The following CDHR3 variants were observed in gnomAD, a reference collection of about 807,000 sequenced individuals.
CDHR3 encodes cadherin related family member 3.
In CDHR3, 79 loss-of-function variants were observed where a neutral mutation model predicts 86.6. That is an observed-to-expected ratio of 0.91 (90% CI 0.76 to 1.10). The LOEUF (loss-of-function observed/expected upper bound fraction) is 1.10, where lower values mean the gene tolerates loss of function less well. CDHR3 is among the 50% of genes least tolerant of loss of function. CDHR3 has a pLI of 0.00. For synonymous variants in CDHR3, 421 were observed against 402.4 expected, an observed-to-expected ratio of 1.05 and a Z score of -0.55; for missense variants, 1,081 against 1,077.6, an observed-to-expected ratio of 1.00 and a Z score of -0.04.
rs1410449347 is a variant in CDHR3, at chr7:106,032,607, C to T, written c.2568C>T (p.Ser856=). 2 of 1,613,742 alleles carry T rather than the reference C, an allele frequency of 1.2e-6. No homozygotes were observed. The highest frequency in any genetic ancestry group is 1.1e-5 in the South Asian group (1 of 91,060). ...KAWAEDAGLG[S]RNEGGKLGNP... The stretch of plus-strand genomic sequence containing the variant: ...GGGCTGAGGATGCTGGTCTGGGTTC[C>T]AGAAATGAGGGTGGCAAGCTGGGCA... Residue 856 remains serine (S), a synonymous_variant, in exon 19 of 19, where the codon TCC becomes TCT. Coordinates refer to ENST00000317716, the MANE Select transcript of CDHR3 (RefSeq NM_152750.5).
At chr7:106,012,318 A>G (rs1337035478) in intron 8 of CDHR3, among the ~76,000 whole-genome samples, 1 of 152,152 alleles carries the variant, frequency 6.6e-6, no homozygotes, top group Admixed American at 6.5e-5. Context: ...GAACATTGCC[A>G]TTCTAGATAG....
rs1044832784 is a variant in CDHR3, at chr7:105,999,601, C to A, written c.714-1861C>A. Among the ~76,000 whole-genome samples, 56 of 152,208 alleles carry A rather than the reference C, an allele frequency of 3.7e-4. 1 individual carries two copies. The highest frequency in any genetic ancestry group is 3.6e-3 in the Admixed American group (55 of 15,284). On this transcript the variant is annotated intron_variant, in intron 6 of 18. Transcript: ENST00000317716. Reference sequence around the variant, plus strand: ...CACCCCCGGCCCCCCAGCTGAGAACCACTGCCTGAGAAGGAAGGAGGGATG... The same window carrying A: ...CACCCCCGGCCCCCCAGCTGAGAACAACTGCCTGAGAAGGAAGGAGGGATG...
chr7:106,018,152 G>A, intron 12 of CDHR3, 80 bp downstream of exon 12: 1 of 1,132,244 alleles, frequency 8.8e-7, no homozygotes, highest in African/African-American at 1.5e-5. Context: ...GAGTGTGGAT[G>A]TGGCAATGAG....
intron 8 of CDHR3, among the ~76,000 whole-genome samples, chr7:106,011,461 G>A (rs1834794712): frequency 6.6e-6 from 1 of 152,020 alleles, no homozygotes; most frequent in African/African-American, 2.4e-5. Context: ...CAGAAATCAA[G>A]CACCTTCCCA....
intron 11 of CDHR3, 45 bp from the exon 12 acceptor site, chr7:106,017,801 T>C (rs1229488188): frequency 6.8e-7 from 1 of 1,468,920 alleles, no homozygotes. Flanking sequence ...CATCCTTCTC[T>C]ACCCCTTAAA....
In CDHR3 at chr7:106,001,751, T is replaced by G. The variant is rs1438768826; in HGVS notation, c.862+141T>G. ...ACCAAAATCCACGTATGCTCAAGTT[T>G]CTTCTATAAAATGGCTTAGTATTTG... On this transcript the variant is annotated intron_variant, in intron 7 of 18. Coordinates refer to ENST00000317716, the MANE Select transcript of CDHR3 (RefSeq NM_152750.5). 6.2e-5 allele frequency: 64 copies of G among 1,031,538 alleles called. No homozygotes were observed. In the East Asian group the frequency reaches 1.5e-3, roughly 25 times the overall value. The allele number at this position is 1,031,538 out of a possible 1,614,324, so 63.9% of individuals were successfully genotyped here.
intron 2 of CDHR3, among the ~76,000 whole-genome samples, chr7:105,975,285 T>C (rs1488697755): frequency 1.3e-5 from 2 of 152,166 alleles, no homozygotes; most frequent in African/African-American, 4.8e-5. Context: ...GTGTTGCAAA[T>C]AGAGAGCTGC....
chr7:106,020,330 T>G, intron 12 of CDHR3, 43 bp from the exon 13 acceptor site: 2 of 1,525,582 alleles, frequency 1.3e-6, no homozygotes, highest in Non-Finnish European at 1.8e-6. Context: ...AAGCACTCAA[T>G]GAGTTTTAGC....
At position 106,001,449 on chromosome 7, in the gene CDHR3, A is replaced by T; in HGVS notation, c.714-13A>T. The T allele has an allele frequency of 6.2e-7, 1 of 1,613,312 alleles. No homozygotes were observed. On this transcript the variant is annotated splice_polypyrimidine_tract_variant and intron_variant, in intron 6 of 18. Transcript: ENST00000317716. ...CCTGGAAATTAGCTGTGTCTGCTGTATCTCTGTTCCAGCCCGACACGAGTG... is the reference window on the plus strand; with the variant it reads ...CCTGGAAATTAGCTGTGTCTGCTGTTTCTCTGTTCCAGCCCGACACGAGTG...
chr7:105,998,328 T>C (rs946397779), intron 6 of CDHR3, among the ~76,000 whole-genome samples: 17 of 152,238 alleles, frequency 1.1e-4, no homozygotes, highest in African/African-American at 4.1e-4. Context: ...TTTCTATCTT[T>C]ACTATTTGTT....
rs62482820 is a variant in CDHR3, at chr7:105,963,567, G to A, written c.46+203G>A. Among the ~76,000 whole-genome samples, 604 of 152,348 alleles carry A rather than the reference G, an allele frequency of 4.0e-3. 3 individuals carry two copies. The highest frequency in any genetic ancestry group is 6.0e-3 in the Non-Finnish European group (410 of 68,036). On this transcript the variant is annotated intron_variant, in intron 1 of 18. Coordinates refer to ENST00000317716, the MANE Select transcript of CDHR3 (RefSeq NM_152750.5). ...GCCCTGGAAAAGAGAGATGCTTAAA[G>A]AGCCTAATCTAATCTATGTTGGTGT...
At chr7:106,017,764 T>C (rs911856924) in intron 11 of CDHR3, 82 bp from the exon 12 acceptor site, 2 of 1,141,254 alleles carry the variant, frequency 1.8e-6, no homozygotes, top group East Asian at 2.6e-5. Flanking sequence ...CTTCTTACCA[T>C]GGCAGTTAGG....
intron 7 of CDHR3, among the ~76,000 whole-genome samples, chr7:106,002,779 A>G (rs967445061): frequency 7.2e-5 from 11 of 152,202 alleles, no homozygotes; most frequent in African/African-American, 2.4e-4. Flanking sequence ...AGGAGAAATT[A>G]ATTTTAATTA....
At chr7:105,969,365 A>C (rs573964908) in intron 1 of CDHR3, among the ~76,000 whole-genome samples, 1 of 128,826 alleles carries the variant, frequency 7.8e-6, no homozygotes, top group East Asian at 2.3e-4. Context: ...GCGCCACTGC[A>C]CTCCAGCCTG....
At chr7:105,997,976 A>G (rs1225233121) in intron 6 of CDHR3, among the ~76,000 whole-genome samples, 5 of 151,890 alleles carry the variant, frequency 3.3e-5, no homozygotes, top group African/African-American at 1.2e-4. Context: ...TTTATTTCAA[A>G]CAGCATTCCT....
intron 9 of CDHR3, 111 bp downstream of exon 9, chr7:106,013,142 C>A (rs889322882): frequency 1.1e-6 from 1 of 926,740 alleles, no homozygotes. Context: ...CCTCTCAGAG[C>A]GACTGTAACT....
At chr7:105,995,172 T>C (rs1274449340) in intron 5 of CDHR3, among the ~76,000 whole-genome samples, 2 of 152,208 alleles carry the variant, frequency 1.3e-5, no homozygotes, top group African/African-American at 2.4e-5. Context: ...TTTTCACTGA[T>C]GCTACTTCAA....
intron 7 of CDHR3, among the ~76,000 whole-genome samples, chr7:106,001,882 A>C (rs556584352): frequency 7.9e-5 from 12 of 152,252 alleles, no homozygotes; most frequent in Admixed American, 2.6e-4. Flanking sequence ...GAATAATGAC[A>C]AGAAAAAAAT....
intron 17 of CDHR3, among the ~76,000 whole-genome samples, chr7:106,029,083 G>A (rs536772829): frequency 6.6e-6 from 1 of 151,826 alleles, no homozygotes; most frequent in Admixed American, 6.6e-5. Context: ...AGACTCAAGC[G>A]ATTCTCATGC....
Sources: gnomAD v4.1 joint callset for allele counts (sites outside exome capture counted in the v4.1 genomes callset) on GRCh38, gnomAD v4.1.1 for gene constraint, MANE v1.5 for transcripts, NCBI Gene and HGNC (gene_info 2026-07-23, HGNC 2026-07-21) for gene names.